Variants in INSR observed in about 807,000 individuals in gnomAD.
INSR encodes IR.
In INSR, 67 loss-of-function variants were observed where a neutral mutation model predicts 142.6. The observed-to-expected ratio is 0.47, with a 90% CI of 0.39 to 0.58. The LOEUF (loss-of-function observed/expected upper bound fraction) is 0.58. Ranked by LOEUF, INSR falls within the 20% of genes least tolerant of loss-of-function variation. The pLI is 0.00. For missense variants in INSR, 1,248 were observed against 1,833.2 expected (o/e 0.68, Z 5.83); for synonymous variants, 756 against 743.1 (o/e 1.02, Z -0.28).
chr19:7,250,411 TA>T (rs1472892650), intron 2 of INSR, among the ~76,000 whole-genome samples: 1 of 97,152 alleles, frequency 1.0e-5, no homozygotes, highest in Non-Finnish European at 2.1e-5. Context: ...AGGTAAGAAA[TA>T]AAAAGAAAGC....
At chr19:7,203,772 C>T (rs1057144790) in intron 2 of INSR, among the ~76,000 whole-genome samples, 7 of 152,146 alleles carry the variant, frequency 4.6e-5, no homozygotes, top group African/African-American at 7.2e-5. Flanking sequence ...AATCATAAGT[C>T]AGAAGGAAAA....
intron 9 of INSR, among the ~76,000 whole-genome samples, chr19:7,158,741 TATA>T (rs1973676688): frequency 6.6e-6 from 1 of 152,128 alleles, no homozygotes; most frequent in African/African-American, 2.4e-5. Flanking sequence ...TAAACATGGT[TATA>T]ATAATAAATT....
chr19:7,162,171 A>G (rs532906855), intron 9 of INSR, among the ~76,000 whole-genome samples: 4 of 152,022 alleles, frequency 2.6e-5, no homozygotes, highest in African/African-American at 9.6e-5. Context: ...TACTAAAAAT[A>G]CAAAAATTAG....
intron 2 of INSR, among the ~76,000 whole-genome samples, chr19:7,205,562 C>T (rs1210429177): frequency 6.6e-6 from 1 of 152,076 alleles, no homozygotes; most frequent in African/African-American, 2.4e-5. Context: ...TGGAGAAATT[C>T]TACATTGTCC....
rs537243579 is a variant in INSR at position 7,137,966 on chromosome 19, CT to C, written c.2682+3710del. Among the ~76,000 whole-genome samples, 306 of 133,694 alleles carry C rather than the reference CT, an allele frequency of 2.3e-3. 3 individuals are homozygous for C. In the East Asian group the frequency reaches 0.029, roughly 13 times the overall value. 87.7% of individuals were successfully genotyped at this position (133,694 alleles called of 152,430 possible). ...TTCCTTTTTCTTCTTTTTTCTTTTTCTTTTTTTTTTTTTTTGAGATGGAGTC... is the reference window on the plus strand; with the variant it reads ...TTCCTTTTTCTTCTTTTTTCTTTTTCTTTTTTTTTTTTTTGAGATGGAGTC... On this transcript the variant is annotated intron_variant, in intron 13 of 21. Coordinates refer to ENST00000302850, the MANE Select transcript of INSR (RefSeq NM_000208.4).
chr19:7,275,510 C>T lies in INSR; in HGVS notation c.101-7614G>A, dbSNP rs547795254. ...AATAAAATTCAGTTTCAGCCAGGTGCGGTGGCTCACGCCTGTAATCCCAGC... is the reference window on the plus strand; with the variant it reads ...AATAAAATTCAGTTTCAGCCAGGTGTGGTGGCTCACGCCTGTAATCCCAGC... On this transcript the variant is annotated intron_variant, in intron 1 of 21. Coordinates refer to ENST00000302850, the MANE Select transcript of INSR (RefSeq NM_000208.4). 1.8e-3 allele frequency among the ~76,000 whole-genome samples: 276 copies of T among 151,934 alleles called. 1 individual carries two copies. The highest frequency in any genetic ancestry group is 3.2e-3 in the Non-Finnish European group (215 of 67,996).
chr19:7,119,397 C>T lies in INSR; in HGVS notation c.3794+52G>A, dbSNP rs1482467512. On this transcript the variant is annotated intron_variant, in intron 21 of 21. Coordinates refer to ENST00000302850, the MANE Select transcript of INSR (RefSeq NM_000208.4). The surrounding 1 kb of genome is among the most constrained non-coding windows in gnomAD (Gnocchi z 5.2). Reference sequence around the variant, plus strand: ...CAAAACCAAGCACACGTGTAAAGGGCAATACCCTTTCAACGAACACCTCAC... The same window carrying T: ...CAAAACCAAGCACACGTGTAAAGGGTAATACCCTTTCAACGAACACCTCAC... The T allele has an allele frequency of 6.2e-7, 1 of 1,604,398 alleles. No individual in the cohort carries two copies. Among genetic ancestry groups the T allele is most frequent in the East Asian group, 2.2e-5 (1 of 44,812 alleles).
At chr19:7,283,255 G>A (rs910217390) in intron 1 of INSR, among the ~76,000 whole-genome samples, 1 of 152,094 alleles carries the variant, frequency 6.6e-6, no homozygotes, top group Non-Finnish European at 1.5e-5. Context: ...GCCTCTCCCT[G>A]CCACCAGTGT....
chr19:7,141,913 T>C (rs1210389544), intron 12 of INSR, 97 bp from the exon 13 acceptor site: 3 of 936,432 alleles, frequency 3.2e-6, no homozygotes, highest in Non-Finnish European at 5.2e-6. Flanking sequence ...GGTGACGTCA[T>C]TTTCCCACAA....
chr19:7,174,434 G>T (rs931256842), intron 4 of INSR, 149 bp downstream of exon 4: 4 of 845,450 alleles, frequency 4.7e-6, no homozygotes, highest in Non-Finnish European at 8.0e-6. Flanking sequence ...TCCCAGCATG[G>T]TTCTATCCAT....
chr19:7,155,056 T>C (rs1973554638), intron 9 of INSR, among the ~76,000 whole-genome samples: 1 of 152,012 alleles, frequency 6.6e-6, no homozygotes, highest in Non-Finnish European at 1.5e-5. Flanking sequence ...AGGTCAGATG[T>C]TGGGGTAAAA....
At position 7,174,592 on chromosome 19, in the gene INSR, G is replaced by A. The variant is rs387906540; in HGVS notation, c.1114C>T (p.Arg372Ter). Residue 372 changes from arginine (R) to a stop codon, truncating the protein, a stop_gained, in exon 4 of 22, where the codon CGA becomes TGA. Coordinates refer to ENST00000302850, the MANE Select transcript of INSR (RefSeq NM_000208.4). LOFTEE classifies it high-confidence loss of function. The part of the protein sequence containing the change: ...VINGSLIINI[R>*]GGNNLAAELE... ...ACACAGAGACACTCACTGCCTCCTC[G>A]AATGTTGATGATCAGACTCCCGTTG... The A allele has an allele frequency of 1.2e-6, 2 of 1,613,938 alleles. No homozygotes were observed. Among genetic ancestry groups the A allele is most frequent in the Non-Finnish European group, 1.7e-6 (2 of 1,179,956 alleles).
intron 14 of INSR, among the ~76,000 whole-genome samples, chr19:7,130,636 T>C (rs1740518593): frequency 6.6e-6 from 1 of 152,152 alleles, no homozygotes; most frequent in African/African-American, 2.4e-5. Context: ...TCCACCATGA[T>C]TGAAAGTTTC....
chr19:7,162,319 C>T (rs1446512989), intron 9 of INSR, among the ~76,000 whole-genome samples: 1 of 139,546 alleles, frequency 7.2e-6, no homozygotes, highest in African/African-American at 2.8e-5. Context: ...AGAGTGAGAC[C>T]CTGTCTCAAA....
chr19:7,120,456 C>G (rs911320258), intron 20 of INSR, among the ~76,000 whole-genome samples, 164 bp downstream of exon 20: 21 of 152,160 alleles, frequency 1.4e-4, no homozygotes, highest in African/African-American at 5.1e-4. Flanking sequence ...CAGGATTAGT[C>G]AGGACATAAG....
chr19:7,139,821 CTTTTTT>C (rs10673049), intron 13 of INSR, among the ~76,000 whole-genome samples: 1 of 115,734 alleles, frequency 8.6e-6, no homozygotes. Flanking sequence ...GTTGCGTATT[CTTTTTT>C]TTTTTTTTTT....
At chr19:7,236,292 C>A (rs1976157384) in intron 2 of INSR, among the ~76,000 whole-genome samples, 1 of 152,118 alleles carries the variant, frequency 6.6e-6, no homozygotes, top group Non-Finnish European at 1.5e-5. Context: ...TTCTACTACA[C>A]AACTCATCCA....
At position 7,163,217 on chromosome 19, in the gene INSR, A is replaced by T; in HGVS notation, c.1862-18T>A. On this transcript the variant is annotated intron_variant, in intron 8 of 21. Transcript: ENST00000302850. ...AGAGGGGTCTGTCAGGGAGAAAGGA[A>T]ATGGGTCCATCATGAGAAACAGTGT... is the stretch of plus-strand genomic sequence containing the variant. 1 of 1,608,130 alleles carries T rather than the reference A, an allele frequency of 6.2e-7. No individual in the cohort carries two copies. Among genetic ancestry groups the T allele is most frequent in the Non-Finnish European group, 8.5e-7 (1 of 1,175,072 alleles).
intron 2 of INSR, among the ~76,000 whole-genome samples, chr19:7,228,883 T>C (rs1282915612): frequency 6.6e-6 from 1 of 151,756 alleles, no homozygotes; most frequent in African/African-American, 2.4e-5. Flanking sequence ...AATAAGTGGA[T>C]GTATGCATGG....
Sources: allele counts gnomAD v4.1 joint callset (sites outside exome capture counted in the v4.1 genomes callset), GRCh38; gene constraint gnomAD v4.1.1; non-coding constraint Gnocchi (gnomAD v3.1); transcripts MANE v1.5; gene names NCBI Gene and HGNC (gene_info 2026-07-23, HGNC 2026-07-21).